CDH23: variants seen among roughly 807,000 people sequenced by gnomAD.
The protein encoded by CDH23 is cadherin related 23, also known as cadherin-23.
In CDH23, 189 loss-of-function variants were observed where a neutral mutation model predicts 317.1. That is an observed-to-expected ratio of 0.60 (90% CI 0.53 to 0.67). CDH23 has a LOEUF of 0.67. CDH23 is among the 30% of genes least tolerant of loss of function. The pLI is 0.00. For synonymous variants in CDH23, 1,839 were observed against 1,876.8 expected (o/e 0.98, Z 0.52); for missense variants, 4,401 against 4,592.4 (o/e 0.96, Z 1.20).
chr10:71,799,273 C>T lies in CDH23; in HGVS notation c.7217C>T (p.Ser2406Phe). 1.2e-6 allele frequency: 2 copies of T among 1,614,056 alleles called. No homozygotes were observed. The highest frequency in any genetic ancestry group is 1.7e-6 in the Non-Finnish European group (2 of 1,179,904). The change falls in exon 51 of 70, where the codon TCC (serine) becomes TTC (phenylalanine). Residue 2406 changes from serine to phenylalanine, a missense_variant. Around this residue, in one of 3 missense-constraint regions of CDH23, gnomAD observed 189 missense variants for 250.9 expected, o/e 0.75. Transcript: ENST00000224721. ...AACAACCCCATCTTTGACCAGCCCT[C>T]CTACCAGGTGGGTGGCCAGGCCACA... ...NDNNPIFDQP[S>F]YQEAVFEDVP...
At position 71,679,443 on chromosome 10, in the gene CDH23, A is replaced by AT. The variant is rs1204935869; in HGVS notation, c.1810dup (p.Ser604PhefsTer27). ...AGATCACCTACAGCATTGTCAGTGCATCTGCCTTTGGCAGCTACTTCGACA... is the reference window on the plus strand; with the variant it reads ...AGATCACCTACAGCATTGTCAGTGCATTCTGCCTTTGGCAGCTACTTCGACA... On this transcript the variant is annotated frameshift_variant, in exon 17 of 70. Coordinates refer to ENST00000224721, the MANE Select transcript of CDH23 (RefSeq NM_022124.6). LOFTEE classifies it high-confidence loss of function. The AT allele has an allele frequency of 6.2e-7, 1 of 1,613,644 alleles. No individual in the cohort carries two copies. Among genetic ancestry groups the AT allele is most frequent in the East Asian group, 2.2e-5 (1 of 44,882 alleles).
At chr10:71,790,676 C>T (rs1841226104) in intron 46 of CDH23, 1 of 525,588 alleles carries the variant, frequency 1.9e-6, no homozygotes, top group Non-Finnish European at 3.4e-6. Flanking sequence ...CCCCCCAGCC[C>T]ACTCCCGTCA....
At chr10:71,602,229 G>A (rs1860270326) in intron 9 of CDH23, among the ~76,000 whole-genome samples, 2 of 152,164 alleles carry the variant, frequency 1.3e-5, no homozygotes, top group Non-Finnish European at 2.9e-5. Context: ...TGGGGCGGGA[G>A]GGCAGGGGCA....
intron 3 of CDH23, among the ~76,000 whole-genome samples, chr10:71,482,377 C>T (rs961610239): frequency 6.6e-6 from 1 of 151,284 alleles, no homozygotes; most frequent in Non-Finnish European, 1.5e-5. Flanking sequence ...GTCTACCCCT[C>T]CCCACCTACC....
At chr10:71,427,246 GGAAAGAAAGAAAGA>G (rs1849143298) in intron 1 of CDH23, among the ~76,000 whole-genome samples, 1 of 17,318 alleles carries the variant, frequency 5.8e-5, no homozygotes, top group African/African-American at 1.6e-4. Context: ...AGAAAGAAAG[GGAAAGAAAGAAAGA>G]GAAAGAGAGA....
intron 28 of CDH23, chr10:71,715,987 G>C: frequency 6.7e-7 from 1 of 1,493,730 alleles, no homozygotes; most frequent in Non-Finnish European, 8.9e-7. Context: ...TGTCCTCGGG[G>C]CCCGGCAGGG....
Position 71,416,585 on chromosome 10 carries a change from G to T in CDH23, c.-6+19267G>T, listed in dbSNP as rs572412752. On this transcript the variant is annotated intron_variant, in intron 1 of 69. Transcript: ENST00000224721. ...TTTCCTTTGGAGTAATTTTCTCATT[G>T]TCTGAAGATGTCTCCTTTTGGTGTG... is the stretch of plus-strand genomic sequence containing the variant. 1.2e-4 allele frequency among the ~76,000 whole-genome samples: 18 copies of T among 152,132 alleles called. No individual in the cohort carries two copies. The South Asian group carries it at 3.7e-3, about 32-fold the overall frequency.
At chr10:71,549,824 G>T (rs939636160) in intron 6 of CDH23, among the ~76,000 whole-genome samples, 3 of 152,218 alleles carry the variant, frequency 2.0e-5, no homozygotes, top group Admixed American at 2.0e-4. Context: ...GCACTAGAGG[G>T]TGTGAGAGAT....
At chr10:71,742,182 C>A in intron 38 of CDH23, 1 of 539,286 alleles carries the variant, frequency 1.9e-6, no homozygotes, top group Non-Finnish European at 3.3e-6. Flanking sequence ...TTTTCTCTCA[C>A]AGAGCAGCTC....
rs1850809151 is a variant in CDH23, at chr10:71,458,480, T to C, written c.145+12085T>C. 2.6e-5 allele frequency among the ~76,000 whole-genome samples: 4 copies of C among 152,376 alleles called. No homozygotes were observed. The South Asian group carries it at 8.3e-4, about 32-fold the overall frequency. The stretch of plus-strand genomic sequence containing the variant: ...CCTCTTCTGGAAATTGAGATGATCA[T>C]ACTTGCCTGGACAACCTCATAGGGA... On this transcript the variant is annotated intron_variant, in intron 3 of 69. Transcript: ENST00000224721.
intron 48 of CDH23, 143 bp downstream of exon 48, chr10:71,793,783 A>G (rs1841331580): frequency 4.6e-6 from 3 of 654,288 alleles, no homozygotes; most frequent in South Asian, 4.1e-5. Flanking sequence ...GAGGGAAACC[A>G]GAACCGTCCT....
intron 2 of CDH23, among the ~76,000 whole-genome samples, chr10:71,444,996 G>T (rs1850087362): frequency 6.6e-6 from 1 of 152,132 alleles, no homozygotes; most frequent in South Asian, 2.1e-4. Context: ...GACAGGTGGG[G>T]TCAGCTCAGG....
rs746502801 is a variant in CDH23, at chr10:71,811,336, G to A, written c.9099G>A (p.Glu3033=). Residue 3033 remains glutamate (E), a synonymous_variant, in exon 63 of 70, where the codon GAG becomes GAA. Transcript: ENST00000224721. ...DVDRVIQMID[E]NKEQLRNLFR... ...CCAGGGTGATCCAGATGATCGATGA[G>A]AACAAGGAGCAGCTACGGAATCTTT... 3 of 1,613,892 alleles carry A rather than the reference G, an allele frequency of 1.9e-6. No homozygotes were observed. The South Asian group carries it at 3.3e-5, about 18-fold the overall frequency.
Position 71,755,614 on chromosome 10 carries a change from G to A in CDH23, c.4845+13693G>A, listed in dbSNP as rs1840121511. On this transcript the variant is annotated intron_variant, in intron 38 of 69. Transcript: ENST00000224721. Reference sequence around the variant, plus strand: ...GCTAGACCCCCAGCAACCTACAGAGGCATGGAAGATAAGGCGGTTCTCCTT... The same window carrying A: ...GCTAGACCCCCAGCAACCTACAGAGACATGGAAGATAAGGCGGTTCTCCTT... 4 of 731,604 alleles carry A rather than the reference G, an allele frequency of 5.5e-6. No homozygotes were observed. In the South Asian group the frequency reaches 6.6e-5, roughly 12 times the overall value. 45.3% of individuals were successfully genotyped at this position (731,604 alleles called of 1,614,324 possible).
intron 1 of CDH23, among the ~76,000 whole-genome samples, chr10:71,433,281 G>T (rs1849478655): frequency 6.6e-6 from 1 of 152,142 alleles, no homozygotes; most frequent in Non-Finnish European, 1.5e-5. Flanking sequence ...CCCCTTTTGG[G>T]TATCTATCAT....
At chr10:71,532,352 A>G (rs1301763992) in intron 6 of CDH23, among the ~76,000 whole-genome samples, 1 of 152,210 alleles carries the variant, frequency 6.6e-6, no homozygotes, top group African/African-American at 2.4e-5. Context: ...AGCGCCTGCA[A>G]CCGAGCAGCT....
In CDH23 at chr10:71,798,443, G is replaced by A. The variant is rs1841463618; in HGVS notation, c.6919G>A (p.Glu2307Lys). The A allele has an allele frequency of 6.2e-7, 1 of 1,613,876 alleles. No homozygotes were observed. Among genetic ancestry groups the A allele is most frequent in the Non-Finnish European group, 8.5e-7 (1 of 1,179,866 alleles). Residue 2307 changes from glutamate to lysine, a missense_variant, in exon 50 of 70, where the codon GAG (glutamate) becomes AAG (lysine). Physicochemically the swap from Glu to Lys is moderately conservative, Grantham distance 56. Coordinates refer to ENST00000224721, the MANE Select transcript of CDH23 (RefSeq NM_022124.6). ...GITYYMERIL[E>K]GATPGTTLIA... Reference sequence around the variant, plus strand: ...CACCTACTACATGGAGCGGATCCTGGAGGGGGCCACCCCTGGGACCACACT... The same window carrying A: ...CACCTACTACATGGAGCGGATCCTGAAGGGGGCCACCCCTGGGACCACACT...
intron 22 of CDH23, among the ~76,000 whole-genome samples, chr10:71,696,249 C>T (rs1038175842): frequency 2.0e-5 from 3 of 152,208 alleles, no homozygotes; most frequent in African/African-American, 7.2e-5. Flanking sequence ...ACCACGTGGC[C>T]TTACTTGAGG....
chr10:71,555,224 G>A (rs1239613152), intron 6 of CDH23, among the ~76,000 whole-genome samples: 3 of 152,132 alleles, frequency 2.0e-5, no homozygotes, highest in Non-Finnish European at 4.4e-5. Context: ...CCCAGCCCAC[G>A]AGGGAGGGGG....
Sources: allele counts gnomAD v4.1 joint callset (sites outside exome capture counted in the v4.1 genomes callset), GRCh38; gene constraint gnomAD v4.1.1; regional missense constraint gnomAD v4.1.1; transcripts MANE v1.5; gene names NCBI Gene and HGNC (gene_info 2026-07-23, HGNC 2026-07-21).